PTPRR: variants seen among roughly 807,000 people sequenced by gnomAD.
The protein encoded by PTPRR is protein tyrosine phosphatase receptor type R.
Under a neutral mutation model 77.2 loss-of-function variants are expected in PTPRR, and 38 were observed. The observed-to-expected ratio is 0.49, with a 90% CI of 0.38 to 0.65. The LOEUF is 0.65. Ranked by LOEUF, PTPRR falls within the 30% of genes least tolerant of loss-of-function variation. The probability of loss-of-function intolerance (pLI) is 0.00; values close to 1 mark genes in which losing one functional copy is unlikely to be tolerated. For synonymous variants in PTPRR, 299 were observed against 283.1 expected, an observed-to-expected ratio of 1.06 and a Z score of -0.57; for missense variants, 744 against 799.2, an observed-to-expected ratio of 0.93 and a Z score of 0.83.
chr12:70,730,454 T>C (rs935537071), intron 6 of PTPRR, among the ~76,000 whole-genome samples: 1 of 151,798 alleles, frequency 6.6e-6, no homozygotes, highest in Non-Finnish European at 1.5e-5. Context: ...GAGGTTGCAG[T>C]GAGCTGAGAT....
chr12:70,763,169 T>A (rs1849466), intron 3 of PTPRR, among the ~76,000 whole-genome samples: 57,685 of 151,638 alleles, frequency 0.38, 13,589 homozygotes, highest in African/African-American at 0.67. Flanking sequence ...GCTCTTGTTG[T>A]CCAGGCTGGA....
chr12:70,683,028 GA>G (rs951756781), intron 10 of PTPRR, among the ~76,000 whole-genome samples: 7 of 151,972 alleles, frequency 4.6e-5, no homozygotes, highest in Admixed American at 1.3e-4. Flanking sequence ...TATAGTTCAG[GA>G]AAAAAAGTTT....
In PTPRR at chr12:70,800,820, G is replaced by A. The variant is rs373479709; in HGVS notation, c.358-36042C>T. 3.3e-4 allele frequency among the ~76,000 whole-genome samples: 50 copies of A among 151,954 alleles called. 1 individual carries two copies. Among genetic ancestry groups the A allele is most frequent in the South Asian group, 2.3e-3 (11 of 4,812 alleles). On this transcript the variant is annotated intron_variant, in intron 2 of 13. Transcript: ENST00000283228. ...TGAGGCAGGAGAATCGCTTGAACCC[G>A]GGTGGCGGAGGTTGTAGTGAGCTGA...
chr12:70,804,381 C>A (rs1891672498), intron 2 of PTPRR, among the ~76,000 whole-genome samples: 1 of 151,870 alleles, frequency 6.6e-6, no homozygotes, highest in Non-Finnish European at 1.5e-5. Context: ...CATGGCAAAA[C>A]CCTGTCTCTA....
chr12:70,836,471 G>A (rs1271129145), intron 2 of PTPRR, among the ~76,000 whole-genome samples: 1 of 151,800 alleles, frequency 6.6e-6, no homozygotes, highest in Non-Finnish European at 1.5e-5. Flanking sequence ...GCAGAAATAG[G>A]ACATATCACC....
chr12:70,703,655 G>A (rs1465375766), intron 6 of PTPRR, among the ~76,000 whole-genome samples: 1 of 152,140 alleles, frequency 6.6e-6, no homozygotes, highest in Non-Finnish European at 1.5e-5. Context: ...TTAATATTTA[G>A]GGCATTTGTG....
rs534165373 is a variant in PTPRR at position 70,734,547 on chromosome 12, T to C, written c.1007+11271A>G. Among the ~76,000 whole-genome samples, 3 of 152,206 alleles carry C rather than the reference T, an allele frequency of 2.0e-5. No individual in the cohort carries two copies. The East Asian group carries it at 5.8e-4, about 30-fold the overall frequency. On this transcript the variant is annotated intron_variant, in intron 6 of 13. Transcript: ENST00000283228. The stretch of plus-strand genomic sequence containing the variant: ...GGAAGGGCTGAGAAGTCCTTTCTGC[T>C]TGAACCTCAGGGTGAAGCAGCCTGT...
intron 6 of PTPRR, among the ~76,000 whole-genome samples, chr12:70,703,867 C>G (rs551350370): frequency 8.9e-4 from 136 of 152,118 alleles, no homozygotes; most frequent in Admixed American, 1.7e-3. Context: ...CTGGAGTGGT[C>G]AGAGCAGATT....
intron 6 of PTPRR, among the ~76,000 whole-genome samples, chr12:70,733,888 T>A (rs924392392): frequency 6.6e-6 from 1 of 152,220 alleles, no homozygotes; most frequent in African/African-American, 2.4e-5. Context: ...TGGGTGAATT[T>A]GATGAGAGGA....
intron 6 of PTPRR, among the ~76,000 whole-genome samples, chr12:70,727,901 G>A (rs1159335125): frequency 6.6e-6 from 1 of 152,174 alleles, no homozygotes; most frequent in East Asian, 1.9e-4. Context: ...TCTTTTCAAA[G>A]CTGGGGGCTC....
chr12:70,828,052 T>A (rs1041712252), intron 2 of PTPRR, among the ~76,000 whole-genome samples: 7 of 152,114 alleles, frequency 4.6e-5, no homozygotes, highest in African/African-American at 1.7e-4. Flanking sequence ...CTAATCCCGG[T>A]CATGAAGGTT....
At chr12:70,884,130 T>C (rs555412156) in intron 2 of PTPRR, among the ~76,000 whole-genome samples, 1 of 152,318 alleles carries the variant, frequency 6.6e-6, no homozygotes, top group South Asian at 2.1e-4. Flanking sequence ...TAGGGACTTT[T>C]AGCTTTTGTA....
chr12:70,666,073 T>G (rs925137845), intron 10 of PTPRR, among the ~76,000 whole-genome samples: 3 of 152,160 alleles, frequency 2.0e-5, no homozygotes, highest in African/African-American at 7.2e-5. Flanking sequence ...ACCAACATCA[T>G]ATCATTTAGC....
At chr12:70,640,520 A>T (rs947309746) in intron 13 of PTPRR, among the ~76,000 whole-genome samples, 5 of 152,198 alleles carry the variant, frequency 3.3e-5, no homozygotes, top group African/African-American at 1.2e-4. Flanking sequence ...TTAATATGTT[A>T]CTATTCCTGC....
At chr12:70,920,264 AG>A in intron 1 of PTPRR, 68 bp downstream of exon 1, 1 of 1,508,108 alleles carries the variant, frequency 6.6e-7, no homozygotes, top group Non-Finnish European at 9.2e-7. Context: ...AGCTTTTCCT[AG>A]AGTCCTTAAG....
At chr12:70,715,856 G>C (rs1889007750) in intron 6 of PTPRR, among the ~76,000 whole-genome samples, 1 of 152,028 alleles carries the variant, frequency 6.6e-6, no homozygotes, top group South Asian at 2.1e-4. Flanking sequence ...ATTATCATAG[G>C]GTCCTGAGGC....
intron 2 of PTPRR, among the ~76,000 whole-genome samples, chr12:70,851,064 T>C (rs1565718190): frequency 6.6e-6 from 1 of 152,198 alleles, no homozygotes. Context: ...ATAAGTCATT[T>C]GATTTAATTC....
At chr12:70,724,125 A>G (rs1264298167) in intron 6 of PTPRR, among the ~76,000 whole-genome samples, 1 of 152,210 alleles carries the variant, frequency 6.6e-6, no homozygotes, top group Admixed American at 6.5e-5. Flanking sequence ...GTTACTTCAT[A>G]TCCTTTCATT....
chr12:70,916,024 T>C (rs1293103599), intron 1 of PTPRR, among the ~76,000 whole-genome samples: 1 of 152,082 alleles, frequency 6.6e-6, no homozygotes, highest in African/African-American at 2.4e-5. Context: ...TGGGCTTACA[T>C]TTTAATACAG....
Sources: gnomAD v4.1 joint callset for allele counts (sites outside exome capture counted in the v4.1 genomes callset) on GRCh38, gnomAD v4.1.1 for gene constraint, MANE v1.5 for transcripts, NCBI Gene and HGNC (gene_info 2026-07-23, HGNC 2026-07-21) for gene names.